Variants in LIMCH1 observed in about 807,000 individuals in gnomAD.
LIMCH1 encodes LIM and calponin homology domains 1, also known as LIM and calponin homology domains-containing protein 1.
Under a neutral mutation model 176.5 loss-of-function variants are expected in LIMCH1, and 113 were observed. The observed-to-expected ratio is 0.64, with a 90% CI of 0.55 to 0.75. The LOEUF is 0.75. Among genes scored for constraint, LIMCH1 ranks in the 30% least tolerant of loss-of-function variants. The pLI is 0.00. For synonymous variants in LIMCH1, 619 were observed against 645.9 expected, an observed-to-expected ratio of 0.96 and a Z score of 0.63; for missense variants, 1,674 against 1,814.9, an observed-to-expected ratio of 0.92 and a Z score of 1.41.
chr4:41,410,674 C>T (rs1200714664), intron 1 of LIMCH1, among the ~76,000 whole-genome samples: 1 of 152,206 alleles, frequency 6.6e-6, no homozygotes, highest in Admixed American at 6.5e-5. Context: ...GCATTCTCCT[C>T]TCCCGTCCAT....
intron 1 of LIMCH1, among the ~76,000 whole-genome samples, chr4:41,492,052 G>A (rs964996696): frequency 5.3e-5 from 8 of 152,208 alleles, no homozygotes; most frequent in African/African-American, 1.7e-4. Flanking sequence ...CAAGGCAGGC[G>A]GCTGGGAGGT....
intron 1 of LIMCH1, among the ~76,000 whole-genome samples, chr4:41,559,437 C>G (rs2081762478): frequency 6.6e-6 from 1 of 152,080 alleles, no homozygotes; most frequent in African/African-American, 2.4e-5. Flanking sequence ...CCTCATCTTA[C>G]CATCAGCTGC....
At chr4:41,399,005 G>T (rs1327050468) in intron 1 of LIMCH1, among the ~76,000 whole-genome samples, 1 of 152,160 alleles carries the variant, frequency 6.6e-6, no homozygotes, top group Non-Finnish European at 1.5e-5. Flanking sequence ...TCTATGAAAA[G>T]ATTTCAGCTA....
chr4:41,670,855 G>A (rs1480667011), intron 21 of LIMCH1: 31 of 1,527,040 alleles, frequency 2.0e-5, no homozygotes, highest in Non-Finnish European at 2.6e-6. Context: ...GGCGATCAAT[G>A]ATGTGTGGCA....
chr4:41,582,515 G>A (rs1431410155), intron 1 of LIMCH1, among the ~76,000 whole-genome samples: 1 of 152,216 alleles, frequency 6.6e-6, no homozygotes, highest in Non-Finnish European at 1.5e-5. Flanking sequence ...AGGCAACGCA[G>A]TGTAGTGGTA....
At chr4:41,513,727 A>G (rs553839438) in intron 2 of LIMCH1, among the ~76,000 whole-genome samples, 1 of 152,266 alleles carries the variant, frequency 6.6e-6, no homozygotes, top group East Asian at 1.9e-4. Context: ...TTAATGGGCC[A>G]GGCATGGTGC....
Position 41,633,713 on chromosome 4 carries a change from C to T in LIMCH1, c.1995C>T (p.His665=), listed in dbSNP as rs1227481652. The change falls in exon 13 of 32, where the codon CAC becomes CAT. Residue 665 remains histidine, a synonymous_variant. Coordinates refer to ENST00000503057, the MANE Select transcript of LIMCH1 (RefSeq NM_001330672.2). ...GGAGAACTGGGATGTCCCTTAGACA[C>T]ACTGGATCCAACCCAAACCAGTTCC... ...MARRTGMSLR[H]TGSNPNQFLP... 2 of 1,536,074 alleles carry T rather than the reference C, an allele frequency of 1.3e-6. No individual in the cohort carries two copies. Among genetic ancestry groups the T allele is most frequent in the African/African-American group, 2.7e-5 (2 of 73,060 alleles).
Position 41,687,820 on chromosome 4 carries a change from A to C in LIMCH1, c.4089-20A>C, listed in dbSNP as rs1206884011. 6.5e-7 allele frequency: 1 copy of C among 1,539,262 alleles called. No homozygotes were observed. Among genetic ancestry groups the C allele is most frequent in the Non-Finnish European group, 9.0e-7 (1 of 1,117,288 alleles). ...TTCTCTTTGCTTGTCATAATTTTTG[A>C]CTCCTTTACCACATTACAGGAAAAG... On this transcript the variant is annotated intron_variant, in intron 28 of 31. Transcript: ENST00000503057.
chr4:41,512,926 A>T (rs1486672531), intron 2 of LIMCH1, among the ~76,000 whole-genome samples: 1 of 152,202 alleles, frequency 6.6e-6, no homozygotes, highest in Non-Finnish European at 1.5e-5. Context: ...TAAAACACAA[A>T]CACATACACA....
At chr4:41,444,377 A>G (rs1468206311) in intron 1 of LIMCH1, among the ~76,000 whole-genome samples, 2 of 151,846 alleles carry the variant, frequency 1.3e-5, no homozygotes, top group East Asian at 2.0e-4. Flanking sequence ...AGGGCATAGC[A>G]TAAGTTTATT....
chr4:41,411,306 C>T (rs1396778434), intron 1 of LIMCH1, among the ~76,000 whole-genome samples: 6 of 152,176 alleles, frequency 3.9e-5, no homozygotes, highest in Non-Finnish European at 5.9e-5. Context: ...CATTCTATCT[C>T]ATCATGGCCA....
intron 1 of LIMCH1, among the ~76,000 whole-genome samples, chr4:41,566,692 C>T (rs986960889): frequency 6.6e-6 from 1 of 152,060 alleles, no homozygotes; most frequent in African/African-American, 2.4e-5. Context: ...AATCATTATA[C>T]AAAAATTGTA....
chr4:41,403,350 G>A (rs1581614335), intron 1 of LIMCH1, among the ~76,000 whole-genome samples: 2 of 152,234 alleles, frequency 1.3e-5, no homozygotes, highest in East Asian at 1.9e-4. Context: ...GGAGGCTGAG[G>A]CAAGCGGATC....
chr4:41,625,003 G>T (rs569077738), intron 7 of LIMCH1, among the ~76,000 whole-genome samples: 1 of 152,064 alleles, frequency 6.6e-6, no homozygotes, highest in Non-Finnish European at 1.5e-5. Flanking sequence ...ACAGTGAGCT[G>T]TGCCCCCAAA....
chr4:41,535,230 A>G (rs1477085570), upstream of LIMCH1, among the ~76,000 whole-genome samples: 1 of 151,876 alleles, frequency 6.6e-6, no homozygotes, highest in Non-Finnish European at 1.5e-5. Context: ...TCATTGAGAT[A>G]TCATATCCAT....
At chr4:41,464,886 G>A (rs931837451) in intron 1 of LIMCH1, among the ~76,000 whole-genome samples, 1 of 152,202 alleles carries the variant, frequency 6.6e-6, no homozygotes, top group Non-Finnish European at 1.5e-5. Flanking sequence ...GCAAATATTT[G>A]TTGAATCAGT....
intron 1 of LIMCH1, among the ~76,000 whole-genome samples, chr4:41,371,999 C>T (rs1279573824): frequency 6.6e-6 from 1 of 152,164 alleles, no homozygotes; most frequent in African/African-American, 2.4e-5. Flanking sequence ...CACCAAATAG[C>T]AGTAGTTGAA....
chr4:41,500,170 A>G (rs111977339), intron 2 of LIMCH1, among the ~76,000 whole-genome samples: 2 of 152,284 alleles, frequency 1.3e-5, no homozygotes, highest in East Asian at 1.9e-4. Context: ...TGCCTTTTCT[A>G]TTTTGTCATC....
intron 1 of LIMCH1, among the ~76,000 whole-genome samples, chr4:41,434,273 G>A (rs1225720264): frequency 1.3e-5 from 2 of 152,180 alleles, no homozygotes; most frequent in Non-Finnish European, 1.5e-5. Flanking sequence ...CCAGCCAGTG[G>A]CACTCTAAGG....
Sources: allele counts gnomAD v4.1 joint callset (sites outside exome capture counted in the v4.1 genomes callset), GRCh38; gene constraint gnomAD v4.1.1; transcripts MANE v1.5; gene names NCBI Gene and HGNC (gene_info 2026-07-23, HGNC 2026-07-21).